The following MTCL2 variants were observed in gnomAD, a reference collection of about 807,000 sequenced individuals.
MTCL2 encodes microtubule crosslinking factor 2.
the MTCL2 span, among the ~76,000 whole-genome samples, chr20:36,806,418 G>A: frequency 1.3e-5 from 2 of 152,164 alleles, no homozygotes; most frequent in Non-Finnish European, 2.9e-5. Context: ...TTACAGGCGC[G>A]AGCCACCATG....
At chr20:36,815,247 T>C in the MTCL2 span, 9 of 1,613,892 alleles carry the variant, frequency 5.6e-6, no homozygotes, top group South Asian at 1.1e-5. The surrounding 1 kb of genome is among the most constrained non-coding windows in gnomAD (Gnocchi z 5.3). Flanking sequence ...GAGGACTGCA[T>C]CTGCCTTCCG....
At chr20:36,778,388 A>G in the MTCL2 span, 1 of 152,322 alleles carries the variant, frequency 6.6e-6, no homozygotes, top group South Asian at 2.1e-4. Context: ...GCCCCACTCC[A>G]CAAGCTCTAA....
At chr20:36,843,256 C>T in the MTCL2 span, among the ~76,000 whole-genome samples, 5 of 152,216 alleles carry the variant, frequency 3.3e-5, no homozygotes, top group African/African-American at 1.2e-4. Flanking sequence ...GGATGGCTCC[C>T]TGTGAGGAAG....
At chr20:36,843,068 G>A in the MTCL2 span, among the ~76,000 whole-genome samples, 9 of 152,168 alleles carry the variant, frequency 5.9e-5, no homozygotes, top group South Asian at 4.1e-4. Flanking sequence ...CTCTGCTCCC[G>A]TCAGAGGGAC....
chr20:36,830,627 A>G, the MTCL2 span, among the ~76,000 whole-genome samples: 1 of 152,262 alleles, frequency 6.6e-6, no homozygotes, highest in African/African-American at 2.4e-5. Flanking sequence ...TGCAGTGGAA[A>G]CCCAGAGAAG....
At chr20:36,796,844 G>T in the MTCL2 span, 2 of 1,607,628 alleles carry the variant, frequency 1.2e-6, no homozygotes, top group Non-Finnish European at 1.7e-6. Context: ...CTGTGGGGCC[G>T]GTCAGAGAGG....
At chr20:36,812,920 C>A in the MTCL2 span, 1 of 1,515,340 alleles carries the variant, frequency 6.6e-7, no homozygotes, top group South Asian at 1.2e-5. Flanking sequence ...GAAACACCCA[C>A]CCCAGGCCTC....
chr20:36,837,699 CCT>C, the MTCL2 span, among the ~76,000 whole-genome samples: 2 of 151,634 alleles, frequency 1.3e-5, no homozygotes, highest in Admixed American at 1.3e-4. Context: ...TGTCTCAGCC[CCT>C]GAGTAGCTGG....
chr20:36,792,403 G>A, the MTCL2 span, among the ~76,000 whole-genome samples: 1 of 152,240 alleles, frequency 6.6e-6, no homozygotes, highest in East Asian at 1.9e-4. Context: ...AGCTACTTGG[G>A]AGGCAGAGAC....
the MTCL2 span, among the ~76,000 whole-genome samples, chr20:36,857,578 A>C: frequency 3.3e-5 from 5 of 152,168 alleles, no homozygotes; most frequent in Non-Finnish European, 5.9e-5. Flanking sequence ...CTCAGCCCCA[A>C]GGAGGCTGCG....
chr20:36,857,236 A>C, the MTCL2 span, among the ~76,000 whole-genome samples: 1 of 152,128 alleles, frequency 6.6e-6, no homozygotes, highest in East Asian at 1.9e-4. Flanking sequence ...TCTCTGGGAC[A>C]TATCCGGGTG....
chr20:36,804,723 T>TG, the MTCL2 span: 3 of 1,610,548 alleles, frequency 1.9e-6, no homozygotes, highest in Non-Finnish European at 2.5e-6. Flanking sequence ...GTCTGACAGG[T>TG]GGGGGGCTCA....
the MTCL2 span, among the ~76,000 whole-genome samples, chr20:36,825,300 A>G: frequency 6.6e-6 from 1 of 152,222 alleles, no homozygotes; most frequent in Non-Finnish European, 1.5e-5. Flanking sequence ...TCATGATTTT[A>G]AAATTGCCAA....
chr20:36,788,622 A>G, the MTCL2 span, among the ~76,000 whole-genome samples: 1 of 152,170 alleles, frequency 6.6e-6, no homozygotes. Context: ...TAGGCAACAG[A>G]GCGAGACTCC....
chr20:36,819,729 G>A, the MTCL2 span, among the ~76,000 whole-genome samples: 1 of 152,164 alleles, frequency 6.6e-6, no homozygotes, highest in Non-Finnish European at 1.5e-5. Flanking sequence ...GCCAGGCAAG[G>A]AGAGCTCCAG....
chr20:36,856,798 AC>A, the MTCL2 span, among the ~76,000 whole-genome samples: 2 of 152,224 alleles, frequency 1.3e-5, no homozygotes, highest in Non-Finnish European at 2.9e-5. Context: ...GGAGACACAG[AC>A]CAGGATTTCC....
At chr20:36,777,786 C>T in the MTCL2 span, 22 of 606,610 alleles carry the variant, frequency 3.6e-5, no homozygotes, top group South Asian at 1.0e-4. Context: ...ACAGTATTGG[C>T]GGGGGCTGGG....
chr20:36,829,329 T>A, the MTCL2 span: 1 of 994,196 alleles, frequency 1.0e-6, no homozygotes, highest in Non-Finnish European at 1.4e-6. Context: ...CAGGTTCCTA[T>A]CGCATCACTG....
the MTCL2 span, among the ~76,000 whole-genome samples, chr20:36,834,477 T>G: frequency 1.3e-5 from 2 of 152,242 alleles, no homozygotes; most frequent in South Asian, 4.1e-4. Flanking sequence ...CTGACCTCCT[T>G]GTATCCGGTC....
Sources: gnomAD v4.1 joint callset for allele counts (sites outside exome capture counted in the v4.1 genomes callset) on GRCh38, gnomAD v4.1.1 for gene constraint, Gnocchi (gnomAD v3.1) non-coding constraint, MANE v1.5 for transcripts, NCBI Gene and HGNC (gene_info 2026-07-23, HGNC 2026-07-21) for gene names.